Variants in BTBD1 observed in about 807,000 individuals in gnomAD.
BTBD1 encodes BTB/POZ domain-containing protein 1.
BTBD1 carries 34 observed loss-of-function variants against 48.0 expected under a neutral mutation model. The ratio of observed to expected loss-of-function variants is 0.71; its 90% CI spans 0.54 to 0.94. The LOEUF (loss-of-function observed/expected upper bound fraction) is 0.94, where lower values mean the gene tolerates loss of function less well. BTBD1 is among the 40% of genes least tolerant of loss of function. The pLI is 0.00. For missense variants in BTBD1, 543 were observed against 625.6 expected, an observed-to-expected ratio of 0.87 and a Z score of 1.41; for synonymous variants, 261 against 242.1, an observed-to-expected ratio of 1.08 and a Z score of -0.72.
chr15:83,063,904 T>C (rs377726971), intron 1 of BTBD1, among the ~76,000 whole-genome samples: 19 of 152,338 alleles, frequency 1.2e-4, no homozygotes, highest in African/African-American at 3.6e-4. Context: ...GTACTTGACA[T>C]TGTATCTTTA....
intron 1 of BTBD1, among the ~76,000 whole-genome samples, chr15:83,062,841 G>T (rs111494402): frequency 3.6e-4 from 55 of 152,072 alleles, no homozygotes; most frequent in Non-Finnish European, 1.5e-4. Context: ...CAGCCATCAC[G>T]TCATTCTCTG....
intron 3 of BTBD1, among the ~76,000 whole-genome samples, chr15:83,043,798 G>A (rs2032816100): frequency 6.6e-6 from 1 of 152,154 alleles, no homozygotes; most frequent in Non-Finnish European, 1.5e-5. Flanking sequence ...CAGGTTTGGG[G>A]TGGGGAAAGA....
chr15:83,044,191 T>C (rs373978312), intron 3 of BTBD1, among the ~76,000 whole-genome samples: 3 of 152,206 alleles, frequency 2.0e-5, no homozygotes, highest in African/African-American at 7.2e-5. Flanking sequence ...TGATACTTAG[T>C]GAGCATTAAT....
At chr15:83,032,986 A>AAAAAAAAAAAAAAAAC (rs1555439417) in intron 4 of BTBD1, among the ~76,000 whole-genome samples, 1 of 151,370 alleles carries the variant, frequency 6.6e-6, no homozygotes, top group African/African-American at 2.4e-5. Context: ...AAAAAAAAAA[A>AAAAAAAAAAAAAAAAC]AACAGAATAG....
chr15:83,020,027 T>TGCCTTGGGAG (rs994412998), intron 6 of BTBD1: 1 of 136,196 alleles, frequency 7.3e-6, no homozygotes, highest in Non-Finnish European at 1.5e-5. Flanking sequence ...GTAATCCCAA[T>TGCCTTGGGAG]GCCTTGGGAG....
chr15:83,038,628 C>A (rs2032676886), intron 4 of BTBD1, among the ~76,000 whole-genome samples: 1 of 152,074 alleles, frequency 6.6e-6, no homozygotes, highest in Non-Finnish European at 1.5e-5. Flanking sequence ...GGAGGCATCA[C>A]ATTACCACTG....
intron 4 of BTBD1, among the ~76,000 whole-genome samples, chr15:83,040,147 G>T (rs879543625): frequency 2.0e-5 from 3 of 152,036 alleles, no homozygotes; most frequent in Non-Finnish European, 4.4e-5. Context: ...ACCAAATACC[G>T]TATGTTCTCA....
In BTBD1 at chr15:83,067,158, G is replaced by T; in HGVS notation, c.-7C>A. ...CAGGCCCGAGTGAGGCCATCCTCCA[G>T]CTGCGCGGTTGCCCACGTTATGGAC... On this transcript the variant is annotated 5_prime_UTR_variant, in exon 1 of 8. It adds an upstream start codon to the 5' untranslated region. Coordinates refer to ENST00000261721, the MANE Select transcript of BTBD1 (RefSeq NM_025238.4). 7.0e-7 allele frequency: 1 copy of T among 1,419,306 alleles called. No individual in the cohort carries two copies. Among genetic ancestry groups the T allele is most frequent in the Non-Finnish European group, 9.2e-7 (1 of 1,091,888 alleles). 87.9% of individuals were successfully genotyped at this position (1,419,306 alleles called of 1,614,324 possible). A position where few individuals can be genotyped will look rare whatever the true frequency, so the allele number is the denominator to read the frequency against.
intron 4 of BTBD1, among the ~76,000 whole-genome samples, chr15:83,032,658 A>G (rs1274150519): frequency 2.0e-5 from 3 of 152,226 alleles, no homozygotes; most frequent in Non-Finnish European, 2.9e-5. Flanking sequence ...GGTCTTACTT[A>G]TAAGTGGGAG....
chr15:83,064,561 A>AT, intron 1 of BTBD1, among the ~76,000 whole-genome samples: 1 of 152,192 alleles, frequency 6.6e-6, no homozygotes, highest in East Asian at 1.9e-4. Flanking sequence ...TAATCTCAAT[A>AT]TTTTTTCAAA....
chr15:83,032,082 G>A (rs2032528935), intron 4 of BTBD1, among the ~76,000 whole-genome samples: 1 of 152,102 alleles, frequency 6.6e-6, no homozygotes, highest in African/African-American at 2.4e-5. Context: ...CAGCACTTTG[G>A]GAGGCCGAGG....
In BTBD1 at chr15:83,067,182, A is replaced by T; in HGVS notation, c.-31T>A. On this transcript the variant is annotated 5_prime_UTR_variant, in exon 1 of 8. It introduces an in-frame stop codon into an upstream open reading frame of the 5' UTR. Coordinates refer to ENST00000261721, the MANE Select transcript of BTBD1 (RefSeq NM_025238.4). ...AGCTGCGCGGTTGCCCACGTTATGGACAAAACTCCGCCGCCATCGCCCAGG... is the reference window on the plus strand; with the variant it reads ...AGCTGCGCGGTTGCCCACGTTATGGTCAAAACTCCGCCGCCATCGCCCAGG... The T allele has an allele frequency of 7.3e-7, 1 of 1,377,976 alleles. No individual in the cohort carries two copies. The highest frequency in any genetic ancestry group is 9.4e-7 in the Non-Finnish European group (1 of 1,067,662). The allele number at this position is 1,377,976 out of a possible 1,614,324, so 85.4% of individuals were successfully genotyped here.
At chr15:83,055,909 T>C (rs2033073440) in intron 2 of BTBD1, among the ~76,000 whole-genome samples, 2 of 152,186 alleles carry the variant, frequency 1.3e-5, no homozygotes, top group African/African-American at 4.8e-5. Context: ...CTTTAGCTTC[T>C]TCACCTATAT....
chr15:83,051,877 T>TACACACACACACACACACAC (rs113253261), intron 2 of BTBD1, among the ~76,000 whole-genome samples: 8,169 of 138,674 alleles, frequency 0.059, 300 homozygotes, highest in Middle Eastern at 0.11. Flanking sequence ...TCCATATATA[T>TACACACACACACACACACAC]ACACACACAC....
chr15:83,045,983 C>CT (rs1246386008), intron 3 of BTBD1, among the ~76,000 whole-genome samples: 1 of 152,154 alleles, frequency 6.6e-6, no homozygotes, highest in Non-Finnish European at 1.5e-5. Context: ...AACAGTATCT[C>CT]TTCCTCCAGA....
chr15:83,052,025 C>T (rs904568751), intron 2 of BTBD1, among the ~76,000 whole-genome samples: 1 of 152,020 alleles, frequency 6.6e-6, no homozygotes, highest in African/African-American at 2.4e-5. Context: ...GGCACAATCT[C>T]GGCTTACTGC....
chr15:83,066,993 C>CGCCTT lies in BTBD1; in HGVS notation c.154_158dup (p.Ser54ArgfsTer4). Reference sequence around the variant, plus strand: ...GGAAGGCGAAGCGCTCCTTCAGCGACGCCTTGGTCGCCTGCCAGTTGTAGA... The same window carrying CGCCTT: ...GGAAGGCGAAGCGCTCCTTCAGCGACGCCTTGCCTTGGTCGCCTGCCAGTTGTAGA... On this transcript the variant is annotated frameshift_variant, in exon 1 of 8. Coordinates refer to ENST00000261721, the MANE Select transcript of BTBD1 (RefSeq NM_025238.4). LOFTEE classifies it high-confidence loss of function. The CGCCTT allele has an allele frequency of 6.3e-7, 1 of 1,585,398 alleles. No individual in the cohort carries two copies. The highest frequency in any genetic ancestry group is 8.6e-7 in the Non-Finnish European group (1 of 1,167,816).
At chr15:83,060,855 T>C (rs1222752585) in intron 1 of BTBD1, among the ~76,000 whole-genome samples, 1 of 152,224 alleles carries the variant, frequency 6.6e-6, no homozygotes, top group African/African-American at 2.4e-5. Context: ...CTTGATTTTA[T>C]ATAAGAATGA....
At position 83,041,825 on chromosome 15, in the gene BTBD1, T is replaced by C. The variant is rs2032765962; in HGVS notation, c.765A>G (p.Gln255=). 1 of 1,614,224 alleles carries C rather than the reference T, an allele frequency of 6.2e-7. No homozygotes were observed. Among genetic ancestry groups the C allele is most frequent in the Non-Finnish European group, 8.5e-7 (1 of 1,180,024 alleles). The change falls in exon 4 of 8, where the codon CAA becomes CAG. Residue 255 remains glutamine, a synonymous_variant. Transcript: ENST00000261721. ...VRWAEAECQR[Q]QLPVTFGNKQ... is the part of the protein sequence containing the mutation. Reference sequence around the variant, plus strand: ...TATTCCCAAAAGTCACAGGTAATTGTTGTCTCTGACATTCTGCTTCTGCCC... The same window carrying C: ...TATTCCCAAAAGTCACAGGTAATTGCTGTCTCTGACATTCTGCTTCTGCCC...
Sources: allele counts gnomAD v4.1 joint callset (sites outside exome capture counted in the v4.1 genomes callset), GRCh38; gene constraint gnomAD v4.1.1; transcripts MANE v1.5; gene names NCBI Gene and HGNC (gene_info 2026-07-23, HGNC 2026-07-21).